Variants in FSTL5 observed in about 807,000 individuals in gnomAD.
The protein encoded by FSTL5 is follistatin-related protein 5.
Under a neutral mutation model 89.1 loss-of-function variants are expected in FSTL5, and 62 were observed. That is an observed-to-expected ratio of 0.70 (90% CI 0.57 to 0.86). The LOEUF is 0.86. Among genes scored for constraint, FSTL5 ranks in the 40% least tolerant of loss-of-function variants. The pLI, the probability that FSTL5 is intolerant of heterozygous loss-of-function variation, is 0.00. For synonymous variants in FSTL5, 383 were observed against 346.2 expected, an observed-to-expected ratio of 1.11 and a Z score of -1.18; for missense variants, 1,057 against 1,001.6, an observed-to-expected ratio of 1.06 and a Z score of -0.75.
chr4:161,929,751 A>G (rs1451504394), intron 3 of FSTL5, among the ~76,000 whole-genome samples: 1 of 150,740 alleles, frequency 6.6e-6, no homozygotes, highest in Admixed American at 6.7e-5. Context: ...TCTAGTGCAA[A>G]AGCCCAATAC....
chr4:161,644,988 A>G lies in FSTL5; in HGVS notation c.894+11340T>C, dbSNP rs536634955. Reference sequence around the variant, plus strand: ...CTTAGCCAGACTTGGTTTTCTAGCTATACCTACGTTAACTAAGAAACACTG... The same window carrying G: ...CTTAGCCAGACTTGGTTTTCTAGCTGTACCTACGTTAACTAAGAAACACTG... On this transcript the variant is annotated intron_variant, in intron 7 of 15. Coordinates refer to ENST00000306100, the MANE Select transcript of FSTL5 (RefSeq NM_020116.5). 3.3e-5 allele frequency among the ~76,000 whole-genome samples: 5 copies of G among 152,354 alleles called. No individual in the cohort carries two copies. In the South Asian group the frequency reaches 1.0e-3, roughly 32 times the overall value.
At chr4:161,932,365 A>G (rs1372760397) in intron 3 of FSTL5, among the ~76,000 whole-genome samples, 1 of 151,790 alleles carries the variant, frequency 6.6e-6, no homozygotes, top group Non-Finnish European at 1.5e-5. Context: ...TTTGTTAGAT[A>G]CTGTTTATCG....
intron 4 of FSTL5, among the ~76,000 whole-genome samples, chr4:161,918,770 G>A (rs186533053): frequency 2.6e-4 from 40 of 151,838 alleles, no homozygotes; most frequent in African/African-American, 7.5e-4. Context: ...TCAGCCTCCC[G>A]AGTGGCTGGG....
At chr4:161,600,158 A>AAAACACAC (rs1487447533) in intron 7 of FSTL5, among the ~76,000 whole-genome samples, 5 of 142,066 alleles carry the variant, frequency 3.5e-5, no homozygotes, top group South Asian at 2.3e-4. Context: ...AATGTCAATA[A>AAAACACAC]ACACACACAC....
At chr4:161,612,769 T>G (rs981677635) in intron 7 of FSTL5, among the ~76,000 whole-genome samples, 1 of 152,164 alleles carries the variant, frequency 6.6e-6, no homozygotes. Context: ...GAGAACAGTA[T>G]TGAAGTGGGA....
At chr4:161,436,465 G>A (rs180915429) in intron 15 of FSTL5, among the ~76,000 whole-genome samples, 1 of 152,242 alleles carries the variant, frequency 6.6e-6, no homozygotes. Context: ...CATGTGCCAT[G>A]TTTTACTTTC....
intron 13 of FSTL5, among the ~76,000 whole-genome samples, chr4:161,467,701 A>T (rs1733793356): frequency 6.6e-6 from 1 of 151,976 alleles, no homozygotes; most frequent in Admixed American, 6.6e-5. Context: ...AAATTCACAT[A>T]CTCCTAAGGT....
chr4:161,566,002 A>G (rs193052287), intron 8 of FSTL5, among the ~76,000 whole-genome samples: 342 of 150,826 alleles, frequency 2.3e-3, no homozygotes, highest in Non-Finnish European at 3.6e-3. Flanking sequence ...AGTTTTCCAT[A>G]GAGGTTGTAC....
At chr4:161,951,809 A>T (rs1734903998) in intron 3 of FSTL5, among the ~76,000 whole-genome samples, 1 of 152,042 alleles carries the variant, frequency 6.6e-6, no homozygotes, top group African/African-American at 2.4e-5. Flanking sequence ...GAGATTTTAA[A>T]GTTACCTACT....
At chr4:161,638,983 T>TAG (rs1735839419) in intron 7 of FSTL5, among the ~76,000 whole-genome samples, 1 of 149,058 alleles carries the variant, frequency 6.7e-6, no homozygotes, top group African/African-American at 2.5e-5. Flanking sequence ...AAATTAGGTA[T>TAG]TGATGGGACG....
intron 15 of FSTL5, among the ~76,000 whole-genome samples, chr4:161,437,083 G>T (rs566334266): frequency 6.6e-6 from 1 of 152,020 alleles, no homozygotes; most frequent in Admixed American, 6.6e-5. Context: ...TGCATATAAC[G>T]CCATTAAAAT....
intron 15 of FSTL5, among the ~76,000 whole-genome samples, chr4:161,438,832 C>A (rs573378694): frequency 6.6e-6 from 1 of 151,540 alleles, no homozygotes; most frequent in Non-Finnish European, 1.5e-5. Flanking sequence ...CTGATATAAT[C>A]GATTAGAAAT....
intron 3 of FSTL5, among the ~76,000 whole-genome samples, chr4:161,967,892 A>G (rs985934593): frequency 4.6e-5 from 7 of 152,100 alleles, no homozygotes; most frequent in African/African-American, 1.7e-4. Context: ...TTACAAACAA[A>G]TCTTGAAAGT....
rs184042166 is a variant in FSTL5, at chr4:161,386,034, G to T, written c.2257C>A (p.Gln753Lys). ...AFQPSFTEAH[Q>K]YNIYGSSSTQ... The stretch of plus-strand genomic sequence containing the variant: ...CTTGAACTACCGTAGATGTTATATT[G>T]GTGGGCTTCAGTAAAGGATGGTTGA... The change falls in exon 16 of 16, where the codon CAA becomes AAA. Residue 753 changes from glutamine to lysine, a missense_variant. Around this residue, in one of 3 missense-constraint regions of FSTL5, gnomAD observed 980 missense variants for 903.2 expected, o/e 1.08. Transcript: ENST00000306100. 6.2e-7 allele frequency: 1 copy of T among 1,613,962 alleles called. No homozygotes were observed. Among genetic ancestry groups the T allele is most frequent in the Admixed American group, 1.7e-5 (1 of 59,998 alleles).
At chr4:162,148,741 G>A (rs1042626347) in intron 1 of FSTL5, among the ~76,000 whole-genome samples, 8 of 152,064 alleles carry the variant, frequency 5.3e-5, no homozygotes, top group Non-Finnish European at 8.8e-5. Context: ...GAAAGTGCAC[G>A]TGATTTATTA....
rs756138914 is a variant in FSTL5, at chr4:162,033,660, T to C, written c.127-2A>G. 5 of 1,490,550 alleles carry C rather than the reference T, an allele frequency of 3.4e-6. No homozygotes were observed. In the African/African-American group the frequency reaches 6.9e-5, roughly 21 times the overall value. 92.3% of individuals were successfully genotyped at this position (1,490,550 alleles called of 1,614,324 possible). Reference sequence around the variant, plus strand: ...TGAACTTTCTTGATTTTTTTCCTGCTGGAAATAAAACAGAAAATAGGTCAA... The same window carrying C: ...TGAACTTTCTTGATTTTTTTCCTGCCGGAAATAAAACAGAAAATAGGTCAA... On this transcript the variant is annotated splice_acceptor_variant, in intron 2 of 15. Transcript: ENST00000306100. LOFTEE classifies it high-confidence loss of function.
chr4:161,506,530 A>G (rs1162530409), intron 11 of FSTL5, among the ~76,000 whole-genome samples: 1 of 152,104 alleles, frequency 6.6e-6, no homozygotes, highest in Non-Finnish European at 1.5e-5. Flanking sequence ...CCATCTCCTG[A>G]GCAGTATACA....
intron 4 of FSTL5, among the ~76,000 whole-genome samples, chr4:161,831,581 A>G (rs1180860618): frequency 1.3e-5 from 2 of 151,992 alleles, no homozygotes. Flanking sequence ...TCCCAGTTTC[A>G]AAGTGTTACA....
At chr4:161,976,582 C>T (rs1006068450) in intron 3 of FSTL5, among the ~76,000 whole-genome samples, 1 of 152,094 alleles carries the variant, frequency 6.6e-6, no homozygotes, top group African/African-American at 2.4e-5. Context: ...TCCGTGTTCA[C>T]GCCATTCTCC....
Sources: gnomAD v4.1 joint callset for allele counts (sites outside exome capture counted in the v4.1 genomes callset) on GRCh38, gnomAD v4.1.1 for gene constraint, gnomAD v4.1.1 regional missense constraint, MANE v1.5 for transcripts, NCBI Gene and HGNC (gene_info 2026-07-23, HGNC 2026-07-21) for gene names.